The following SLC26A5 variants were observed in gnomAD, a reference collection of about 807,000 sequenced individuals.
SLC26A5 encodes prestin.
In SLC26A5, 51 loss-of-function variants were observed where a neutral mutation model predicts 81.0. The ratio of observed to expected loss-of-function variants is 0.63; its 90% confidence interval spans 0.50 to 0.80. SLC26A5 has a LOEUF of 0.80. Among genes scored for constraint, SLC26A5 ranks in the 30% least tolerant of loss-of-function variants. SLC26A5 has a pLI of 0.00. For missense variants in SLC26A5, 771 were observed against 905.8 expected, an observed-to-expected ratio of 0.85 and a Z score of 1.91; for synonymous variants, 325 against 332.8, an observed-to-expected ratio of 0.98 and a Z score of 0.25.
chr7:103,363,210 G>A (rs1820514924), intron 19 of SLC26A5: 2 of 665,202 alleles, frequency 3.0e-6, no homozygotes, highest in South Asian at 4.1e-5. Context: ...CAGGGCACTG[G>A]GCAATGTATT....
At position 103,397,716 on chromosome 7, in the gene SLC26A5, C is replaced by CA. The variant is rs72106385; in HGVS notation, c.971+215dup. Among the ~76,000 whole-genome samples, 17,212 of 118,316 alleles carry CA rather than the reference C, an allele frequency of 0.15. 1,301 individuals carry two copies. The highest frequency in any genetic ancestry group is 0.4 in the East Asian group (1,764 of 4,384). 77.6% of individuals were successfully genotyped at this position (118,316 alleles called of 152,430 possible). Reference sequence around the variant, plus strand: ...CAGGCGACAGAGTGAGACTTCGTCTCAAAAAAAAAAAAAAAAGGTTAAGAC... The same window carrying CA: ...CAGGCGACAGAGTGAGACTTCGTCTCAAAAAAAAAAAAAAAAAGGTTAAGAC... On this transcript the variant is annotated intron_variant, in intron 9 of 19. Transcript: ENST00000306312.
At chr7:103,386,270 A>T (rs1414037503) in intron 14 of SLC26A5, among the ~76,000 whole-genome samples, 2 of 152,004 alleles carry the variant, frequency 1.3e-5, no homozygotes, top group African/African-American at 2.4e-5. Context: ...GCTGGACTTT[A>T]AAATTTATGA....
At chr7:103,354,759 T>C (rs1819936918) in intron 19 of SLC26A5, 1 of 688,926 alleles carries the variant, frequency 1.5e-6, no homozygotes, top group African/African-American at 1.8e-5. Context: ...TCACAAGCTT[T>C]GGGATAATGA....
intron 8 of SLC26A5, among the ~76,000 whole-genome samples, chr7:103,400,442 A>C (rs1673103065): frequency 6.6e-6 from 1 of 152,118 alleles, no homozygotes; most frequent in Admixed American, 6.6e-5. Context: ...AATTTGTTTA[A>C]GTTCCTTGTA....
intron 2 of SLC26A5, among the ~76,000 whole-genome samples, chr7:103,441,474 T>C (rs1264942878): frequency 6.6e-6 from 1 of 152,194 alleles, no homozygotes; most frequent in Non-Finnish European, 1.5e-5. Context: ...GTGCTCTTTT[T>C]CTCCTCTCCC....
At chr7:103,382,068 G>A (rs139122245) in intron 14 of SLC26A5, among the ~76,000 whole-genome samples, 6 of 152,218 alleles carry the variant, frequency 3.9e-5, no homozygotes, top group African/African-American at 9.6e-5. Flanking sequence ...GCATTTAGAG[G>A]TGGAGGCAAC....
intron 7 of SLC26A5, among the ~76,000 whole-genome samples, chr7:103,410,003 G>A (rs775306200): frequency 1.5e-4 from 23 of 152,062 alleles, no homozygotes; most frequent in Non-Finnish European, 2.6e-4. Flanking sequence ...CACCACGCCC[G>A]GCCTTAATTA....
At chr7:103,397,783 T>A in intron 9 of SLC26A5, 149 bp downstream of exon 9, 1 of 611,582 alleles carries the variant, frequency 1.6e-6, no homozygotes, top group Non-Finnish European at 2.9e-6. Context: ...AAAATAAAAA[T>A]AAAATGCACC....
At chr7:103,392,545 A>C (rs1330944825) in intron 10 of SLC26A5, among the ~76,000 whole-genome samples, 1 of 152,210 alleles carries the variant, frequency 6.6e-6, no homozygotes, top group Non-Finnish European at 1.5e-5. Flanking sequence ...AAGATAGATT[A>C]GTTCTTGTGC....
chr7:103,406,308 G>A (rs751503686), intron 8 of SLC26A5, among the ~76,000 whole-genome samples: 3 of 152,204 alleles, frequency 2.0e-5, no homozygotes, highest in Non-Finnish European at 4.4e-5. Context: ...AATCTTGGTG[G>A]TGTAGGCACC....
rs141952919 is a variant in SLC26A5, at chr7:103,421,378, A to G, written c.137T>C (p.Leu46Pro). The stretch of plus-strand genomic sequence containing the variant: ...GGCAACGTACGTGAATGCCTGTTTC[A>G]GCTTATCCGCAATGGAATCAGGAAC... ...DKVPDSIADK[L>P]KQAFTCTPKK... Residue 46 changes from leucine to proline, a missense_variant, in exon 3 of 20, where the codon CTG becomes CCG. Transcript: ENST00000306312. 6,839 of 1,614,138 alleles carry G rather than the reference A, an allele frequency of 4.2e-3. 29 individuals are homozygous for G. The highest frequency in any genetic ancestry group is 5.2e-3 in the Non-Finnish European group (6,100 of 1,179,982).
Position 103,392,960 on chromosome 7 carries a change from T to A in SLC26A5, c.1078A>T (p.Thr360Ser). ...GFSVTISMAK[T>S]LANKHGYQVD... ...TGGTAGCCATGTTTATTTGCTAAGGTCTTGGCCATGGAGATGGTCACTGAA... is the reference window on the plus strand; with the variant it reads ...TGGTAGCCATGTTTATTTGCTAAGGACTTGGCCATGGAGATGGTCACTGAA... The change falls in exon 10 of 20, where the codon ACC becomes TCC. Residue 360 changes from threonine to serine, a missense_variant. Transcript: ENST00000306312. The A allele has an allele frequency of 6.2e-7, 1 of 1,614,040 alleles. No homozygotes were observed. The highest frequency in any genetic ancestry group is 8.5e-7 in the Non-Finnish European group (1 of 1,179,906).
At chr7:103,433,056 A>T (rs1046914579) in intron 2 of SLC26A5, among the ~76,000 whole-genome samples, 1 of 152,098 alleles carries the variant, frequency 6.6e-6, no homozygotes, top group Non-Finnish European at 1.5e-5. Flanking sequence ...TGTTTCCCTA[A>T]GTAGTGGTTA....
Position 103,407,923 on chromosome 7 carries a change from C to G in SLC26A5, c.816G>C (p.Leu272=), listed in dbSNP as rs546456405. The G allele has an allele frequency of 3.7e-6, 6 of 1,614,218 alleles. No individual in the cohort carries two copies. The African/African-American group carries it at 6.7e-5, about 18-fold the overall frequency. Residue 272 remains leucine, a synonymous_variant, in exon 8 of 20, where the codon CTG becomes CTC. Transcript: ENST00000306312. ...LGVGLMVFGL[L]LGGKEFNERF... The stretch of plus-strand genomic sequence containing the variant: ...TCTCATTAAACTCCTTGCCACCCAA[C>G]AGCAAACCAAAAACCATCAGCCCGA...
intron 9 of SLC26A5, among the ~76,000 whole-genome samples, chr7:103,395,078 T>A (rs1029834087): frequency 2.0e-5 from 3 of 152,180 alleles, no homozygotes; most frequent in African/African-American, 7.2e-5. Context: ...TGCAGATGCA[T>A]AACAAACCCC....
chr7:103,371,353 C>G (rs1428289759), downstream of SLC26A5, among the ~76,000 whole-genome samples: 1 of 146,750 alleles, frequency 6.8e-6, no homozygotes, highest in Non-Finnish European at 1.5e-5. Context: ...GAGACGGAGT[C>G]TCGCTCTGTC....
chr7:103,392,957 A>T lies in SLC26A5; in HGVS notation c.1081T>A (p.Leu361Ile). 6.2e-7 allele frequency: 1 copy of T among 1,614,052 alleles called. No individual in the cohort carries two copies. Among genetic ancestry groups the T allele is most frequent in the South Asian group, 1.1e-5 (1 of 91,074 alleles). ...FSVTISMAKTLANKHGYQVDG... is the reference protein window; with the variant it reads ...FSVTISMAKTIANKHGYQVDG... Reference sequence around the variant, plus strand: ...ACCTGGTAGCCATGTTTATTTGCTAAGGTCTTGGCCATGGAGATGGTCACT... The same window carrying T: ...ACCTGGTAGCCATGTTTATTTGCTATGGTCTTGGCCATGGAGATGGTCACT... Residue 361 changes from leucine (L) to isoleucine (I), a missense_variant, in exon 10 of 20, where the codon TTA becomes ATA. By Grantham distance (5) the Leu-to-Ile change is conservative. Transcript: ENST00000306312.
intron 2 of SLC26A5, among the ~76,000 whole-genome samples, chr7:103,434,800 C>A (rs995845527): frequency 6.6e-6 from 1 of 152,142 alleles, no homozygotes; most frequent in East Asian, 1.9e-4. Flanking sequence ...TACAGGAGTG[C>A]GCCACCACGC....
chr7:103,388,992 C>A lies in SLC26A5; in HGVS notation c.1514+16G>T. On this transcript the variant is annotated intron_variant, in intron 14 of 19. Transcript: ENST00000306312. Reference sequence around the variant, plus strand: ...TCTGCCGGGACATTCACACCCATTCCAATCTGGGCACTCACCTCTGTGTTC... The same window carrying A: ...TCTGCCGGGACATTCACACCCATTCAAATCTGGGCACTCACCTCTGTGTTC... The A allele has an allele frequency of 6.3e-7, 1 of 1,580,456 alleles. No homozygotes were observed. Among genetic ancestry groups the A allele is most frequent in the South Asian group, 1.1e-5 (1 of 90,032 alleles).
Sources: allele counts gnomAD v4.1 joint callset (sites outside exome capture counted in the v4.1 genomes callset), GRCh38; gene constraint gnomAD v4.1.1; transcripts MANE v1.5; gene names NCBI Gene and HGNC (gene_info 2026-07-23, HGNC 2026-07-21).